The following UBA52 variants were observed in gnomAD, a reference collection of about 807,000 sequenced individuals.
UBA52 encodes the protein ubiquitin A-52 residue ribosomal protein fusion product 1, also known as ubiquitin-ribosomal protein eL40 fusion protein.
Under a neutral mutation model 15.3 loss-of-function variants are expected in UBA52, and 1 was observed. The ratio of observed to expected loss-of-function variants is 0.07; its 90% CI spans 0.02 to 0.31. The LOEUF (loss-of-function observed/expected upper bound fraction) is 0.31. Among genes scored for constraint, UBA52 ranks in the 10% least tolerant of loss-of-function variants. The pLI is 1.00. For synonymous variants in UBA52, 50 were observed against 58.3 expected (o/e 0.86, Z 0.65); for missense variants, 87 against 168.0 (o/e 0.52, Z 2.66).
At position 18,575,612 on chromosome 19, in the gene UBA52, TG is replaced by T. The variant is rs1481357516; in HGVS notation, c.*466del. The T allele has an allele frequency of 1.6e-5, 3 of 189,858 alleles. No homozygotes were observed. Among genetic ancestry groups the T allele is most frequent in the African/African-American group, 7.1e-5 (3 of 42,360 alleles). 11.8% of individuals were successfully genotyped at this position (189,858 alleles called of 1,614,324 possible). On this transcript the variant is annotated 3_prime_UTR_variant, in exon 5 of 5. Transcript: ENST00000442744. ...CTCAAATTTTTTTATTTTATACAAA[TG>T]GGGTCTCACTATGTTGTCCAGGCTG...
In UBA52 at chr19:18,577,109, C is replaced by T. The variant is rs1568433268; in HGVS notation, c.*1959C>T. 2 of 151,636 alleles carry T rather than the reference C, an allele frequency of 1.3e-5. No individual in the cohort carries two copies. 9.4% of individuals were successfully genotyped at this position (151,636 alleles called of 1,614,324 possible). A position where few individuals can be genotyped will look rare whatever the true frequency, so the allele number is the denominator to read the frequency against. Reference sequence around the variant, plus strand: ...ACAGGGGTGAGGCACCTTGCTGGCCCCTGTTTTGATTAGGGTGCAGTGCTG... The same window carrying T: ...ACAGGGGTGAGGCACCTTGCTGGCCTCTGTTTTGATTAGGGTGCAGTGCTG... On this transcript the variant is annotated 3_prime_UTR_variant, in exon 5 of 5. Coordinates refer to ENST00000442744, the MANE Select transcript of UBA52 (RefSeq NM_001033930.3).
At chr19:18,567,297 T>G (rs1975295221), upstream of UBA52, 1 of 985,530 alleles carries the variant, frequency 1.0e-6, no homozygotes, top group Non-Finnish European at 1.6e-6. Context: ...GCAGTGGGTC[T>G]GGGGAAACCT....
chr19:18,573,721 A>C lies in UBA52; in HGVS notation c.163A>C (p.Thr55Pro). The change falls in exon 3 of 5, where the codon ACT becomes CCT. Residue 55 changes from threonine to proline, a missense_variant. Physicochemically the swap from Thr to Pro is conservative, Grantham distance 38. Coordinates refer to ENST00000442744, the MANE Select transcript of UBA52 (RefSeq NM_001033930.3). ...CGGCAAACAGCTGGAGGATGGCCGC[A>C]CTCTCTCAGACTACAACATCCAGAA... ...FAGKQLEDGR[T>P]LSDYNIQKES... The C allele has an allele frequency of 1.9e-6, 3 of 1,613,974 alleles. No individual in the cohort carries two copies. The highest frequency in any genetic ancestry group is 2.5e-6 in the Non-Finnish European group (3 of 1,179,982).
At chr19:18,571,242 G>GGAGGTTGCGGTGAGCC (rs1249270184), upstream of UBA52, among the ~76,000 whole-genome samples, 1 of 151,104 alleles carries the variant, frequency 6.6e-6, no homozygotes, top group African/African-American at 2.4e-5. Flanking sequence ...CCCAGGAGGC[G>GGAGGTTGCGGTGAGCC]GAGGTTGCGG....
At chr19:18,567,300 G>A, upstream of UBA52, 2 of 997,154 alleles carry the variant, frequency 2.0e-6, no homozygotes, top group Non-Finnish European at 3.1e-6. Flanking sequence ...GTGGGTCTGG[G>A]GAAACCTGGG....
chr19:18,574,413 C>T (rs1189703910), intron 3 of UBA52, among the ~76,000 whole-genome samples: 2 of 151,510 alleles, frequency 1.3e-5, no homozygotes, highest in East Asian at 2.0e-4. Context: ...CTCAGCCTCC[C>T]GAGTAGCTGG....
upstream of UBA52, among the ~76,000 whole-genome samples, chr19:18,569,755 C>T (rs957119156): frequency 1.3e-5 from 2 of 151,648 alleles, no homozygotes; most frequent in African/African-American, 4.8e-5. Context: ...TTGTTATGAC[C>T]GGGCTTGGTG....
At position 18,576,860 on chromosome 19, in the gene UBA52, G is replaced by A. The variant is rs994627940; in HGVS notation, c.*1710G>A. 4 of 151,548 alleles carry A rather than the reference G, an allele frequency of 2.6e-5. No individual in the cohort carries two copies. Among genetic ancestry groups the A allele is most frequent in the African/African-American group, 9.7e-5 (4 of 41,252 alleles). The allele number at this position is 151,548 out of a possible 1,614,324, so 9.4% of individuals were successfully genotyped here. ...TTTTTCTGTTTTTAGTAGAGACAGG[G>A]TTTTGCTATGTTGGCCAGGCTGGTC... On this transcript the variant is annotated 3_prime_UTR_variant, in exon 5 of 5. Transcript: ENST00000442744.
Position 18,575,214 on chromosome 19 carries a change from G to A in UBA52, c.*64G>A. On this transcript the variant is annotated 3_prime_UTR_variant, in exon 5 of 5. Coordinates refer to ENST00000442744, the MANE Select transcript of UBA52 (RefSeq NM_001033930.3). ...CCCGTGGCCCTGGAGCCTCAATAAAGTGTCCCTTTCATTGACTGGAGCAGC... is the reference window on the plus strand; with the variant it reads ...CCCGTGGCCCTGGAGCCTCAATAAAATGTCCCTTTCATTGACTGGAGCAGC... 1 of 1,591,710 alleles carries A rather than the reference G, an allele frequency of 6.3e-7. No individual in the cohort carries two copies. The highest frequency in any genetic ancestry group is 8.6e-7 in the Non-Finnish European group (1 of 1,163,628).
upstream of UBA52, among the ~76,000 whole-genome samples, chr19:18,567,994 G>A (rs548698826): frequency 9.2e-5 from 14 of 152,300 alleles, no homozygotes; most frequent in Admixed American, 5.9e-4. Flanking sequence ...TCTGCCAGGC[G>A]CGGTGGCTCA....
At chr19:18,569,286 GGAAA>G (rs1975405359), upstream of UBA52, 1 of 152,670 alleles carries the variant, frequency 6.6e-6, no homozygotes, top group Admixed American at 6.6e-5. Flanking sequence ...AGCCACCTCG[GGAAA>G]GAGTTTAATG....
In UBA52 at chr19:18,573,722, C is replaced by T. The variant is rs759118167; in HGVS notation, c.164C>T (p.Thr55Ile). Residue 55 changes from threonine to isoleucine, a missense_variant, in exon 3 of 5, where the codon ACT (threonine) becomes ATT (isoleucine). Coordinates refer to ENST00000442744, the MANE Select transcript of UBA52 (RefSeq NM_001033930.3). ...FAGKQLEDGRTLSDYNIQKES... is the reference protein window; with the variant it reads ...FAGKQLEDGRILSDYNIQKES... ...GGCAAACAGCTGGAGGATGGCCGCA[C>T]TCTCTCAGACTACAACATCCAGAAA... 2.5e-6 allele frequency: 4 copies of T among 1,614,154 alleles called. No homozygotes were observed. Among genetic ancestry groups the T allele is most frequent in the Non-Finnish European group, 2.5e-6 (3 of 1,180,030 alleles).
chr19:18,564,967 C>G, the UBA52 span: 1 of 1,612,136 alleles, frequency 6.2e-7, no homozygotes, highest in South Asian at 1.1e-5. Context: ...CTGCACCACA[C>G]GAGGACCCTA....
chr19:18,565,852 T>A, the UBA52 span, among the ~76,000 whole-genome samples: 1 of 152,268 alleles, frequency 6.6e-6, no homozygotes, highest in Non-Finnish European at 1.5e-5. Flanking sequence ...CACGCCCAGC[T>A]GATTTTTTGT....
chr19:18,568,030 G>A (rs1975338935), upstream of UBA52, among the ~76,000 whole-genome samples: 1 of 152,180 alleles, frequency 6.6e-6, no homozygotes, highest in Admixed American at 6.5e-5. Context: ...CACTTTGGGA[G>A]GCTGAGGCGG....
Position 18,575,170 on chromosome 19 carries a change from G to A in UBA52, c.*20G>A, listed in dbSNP as rs757091248. The A allele has an allele frequency of 1.9e-6, 3 of 1,613,954 alleles. No individual in the cohort carries two copies. The highest frequency in any genetic ancestry group is 1.7e-4 in the Middle Eastern group (1 of 5,984). On this transcript the variant is annotated 3_prime_UTR_variant, in exon 5 of 5. Transcript: ENST00000442744. ...AAATAAGGTGGTTCTTTCCTTGAAG[G>A]GCAGCCTCCTGCCCAGGCCCCGTGG...
chr19:18,565,528 G>A, the UBA52 span, among the ~76,000 whole-genome samples: 11 of 151,018 alleles, frequency 7.3e-5, no homozygotes, highest in South Asian at 2.1e-4. Flanking sequence ...CACTGCGCCC[G>A]GCCGAGACAG....
chr19:18,565,478 C>G, the UBA52 span, among the ~76,000 whole-genome samples: 1 of 152,104 alleles, frequency 6.6e-6, no homozygotes, highest in African/African-American at 2.4e-5. Flanking sequence ...GTGATCCAGC[C>G]GCCTTGGCCT....
chr19:18,573,051 G>T, intron 1 of UBA52: 1 of 1,324,806 alleles, frequency 7.5e-7, no homozygotes, highest in Non-Finnish European at 9.8e-7. Flanking sequence ...GAGCACCCGT[G>T]CGGTCAGGAG....
Sources: allele counts gnomAD v4.1 joint callset (sites outside exome capture counted in the v4.1 genomes callset), GRCh38; gene constraint gnomAD v4.1.1; transcripts MANE v1.5; gene names NCBI Gene and HGNC (gene_info 2026-07-23, HGNC 2026-07-21).